Variants in STAG1 observed in about 807,000 individuals in gnomAD.
The protein encoded by STAG1 is cohesin subunit SA-1.
STAG1 carries 26 observed loss-of-function variants against 170.9 expected under a neutral mutation model. The observed-to-expected ratio is 0.15, with a 90% confidence interval of 0.11 to 0.21. STAG1 has a LOEUF of 0.21. STAG1 is among the 10% of genes least tolerant of loss of function. STAG1 has a pLI of 1.00. For synonymous variants in STAG1, 514 were observed against 497.7 expected (o/e 1.03, Z -0.44); for missense variants, 964 against 1,509.5 (o/e 0.64, Z 5.99).
chr3:136,447,296 A>C (rs1018809178), intron 14 of STAG1, among the ~76,000 whole-genome samples: 1 of 151,200 alleles, frequency 6.6e-6, no homozygotes, highest in Non-Finnish European at 1.5e-5. Context: ...ACATGGTGAA[A>C]CCGTCTCTAC....
In STAG1 at chr3:136,575,257, C is replaced by T. The variant is rs571765186; in HGVS notation, c.298-6396G>A. On this transcript the variant is annotated intron_variant, in intron 4 of 33. Coordinates refer to ENST00000383202, the MANE Select transcript of STAG1 (RefSeq NM_005862.3). ...CTTTTTTCTCTGAGACAGGGTCTCA[C>T]TCTTTCACCCAGGCTAGGGTCCAGT... Among the ~76,000 whole-genome samples, 12 of 152,224 alleles carry T rather than the reference C, an allele frequency of 7.9e-5. No individual in the cohort carries two copies. The South Asian group carries it at 1.9e-3, about 24-fold the overall frequency.
At chr3:136,453,451 C>G (rs1009317599) in intron 13 of STAG1, among the ~76,000 whole-genome samples, 1 of 151,802 alleles carries the variant, frequency 6.6e-6, no homozygotes, top group East Asian at 1.9e-4. Context: ...ATTAGCCGGG[C>G]GTGGTGGCGG....
At chr3:136,596,935 C>T (rs575376083) in intron 4 of STAG1, among the ~76,000 whole-genome samples, 2 of 152,062 alleles carry the variant, frequency 1.3e-5, no homozygotes, top group Admixed American at 6.6e-5. Flanking sequence ...TTTAGCCAGG[C>T]GTACTGGCGC....
chr3:136,751,743 A>G (rs573077143), intron 1 of STAG1, among the ~76,000 whole-genome samples: 1 of 151,628 alleles, frequency 6.6e-6, no homozygotes, highest in East Asian at 2.0e-4. Flanking sequence ...AGGCGGCGGA[A>G]GGCATTCGCG....
chr3:136,536,892 A>AT (rs1935661808), intron 6 of STAG1, among the ~76,000 whole-genome samples: 1 of 152,182 alleles, frequency 6.6e-6, no homozygotes, highest in Admixed American at 6.5e-5. Flanking sequence ...TATTGTGAGA[A>AT]TTAAGTATAT....
chr3:136,424,624 C>T (rs989647864), intron 16 of STAG1, among the ~76,000 whole-genome samples: 2 of 151,868 alleles, frequency 1.3e-5, no homozygotes, highest in Admixed American at 6.6e-5. Flanking sequence ...TGAGCCACTG[C>T]GCCCAGCCTG....
At chr3:136,503,671 T>G (rs1559845183) in intron 7 of STAG1, among the ~76,000 whole-genome samples, 2 of 152,190 alleles carry the variant, frequency 1.3e-5, no homozygotes, top group South Asian at 4.1e-4. Flanking sequence ...GAAGAACTGA[T>G]TCATTTATCT....
At chr3:136,699,620 A>G (rs1942991316) in intron 1 of STAG1, among the ~76,000 whole-genome samples, 1 of 151,658 alleles carries the variant, frequency 6.6e-6, no homozygotes, top group Non-Finnish European at 1.5e-5. Context: ...CATGTCTTTC[A>G]CAGCTACTTG....
intron 1 of STAG1, among the ~76,000 whole-genome samples, chr3:136,638,608 A>G (rs1046167034): frequency 6.6e-6 from 1 of 152,164 alleles, no homozygotes. Flanking sequence ...TCTTTTAAAA[A>G]ACAAAAAATC....
At chr3:136,588,519 T>C (rs912670534) in intron 4 of STAG1, among the ~76,000 whole-genome samples, 10 of 152,170 alleles carry the variant, frequency 6.6e-5, no homozygotes, top group Admixed American at 1.3e-4. Flanking sequence ...TTTGTATTTT[T>C]AGTAGAAACA....
chr3:136,636,847 A>G (rs1052329129), intron 1 of STAG1, among the ~76,000 whole-genome samples: 8 of 152,256 alleles, frequency 5.3e-5, no homozygotes, highest in African/African-American at 1.9e-4. Context: ...AGCCTATCCC[A>G]GCAGCTCAGG....
chr3:136,420,244 C>CAAAAAAA (rs71157379), intron 20 of STAG1, among the ~76,000 whole-genome samples: 1 of 36,952 alleles, frequency 2.7e-5, no homozygotes, highest in Non-Finnish European at 5.3e-5. Context: ...GAGACTCTGT[C>CAAAAAAA]AAAAAAAAAA....
chr3:136,709,830 T>C (rs1041553302), intron 1 of STAG1, among the ~76,000 whole-genome samples: 12 of 150,812 alleles, frequency 8.0e-5, no homozygotes, highest in Admixed American at 2.0e-4. Context: ...AAGTCAAGAG[T>C]TGGAGACCAG....
chr3:136,723,947 G>T (rs1182246377), intron 1 of STAG1, among the ~76,000 whole-genome samples: 1 of 149,828 alleles, frequency 6.7e-6, no homozygotes, highest in Non-Finnish European at 1.5e-5. Context: ...TCAGCCCCCC[G>T]CCAGGCCAGC....
chr3:136,354,847 A>G (rs2108275141), intron 28 of STAG1, among the ~76,000 whole-genome samples: 1 of 151,182 alleles, frequency 6.6e-6, no homozygotes. Flanking sequence ...GGTTGAATTT[A>G]AAAACACATG....
intron 1 of STAG1, among the ~76,000 whole-genome samples, chr3:136,700,975 G>A (rs143685085): frequency 3.0e-4 from 42 of 140,416 alleles, no homozygotes; most frequent in African/African-American, 9.9e-4. Context: ...TCGACCTCCC[G>A]GGTTCAAGTG....
At chr3:136,602,503 T>C (rs1028705588) in intron 4 of STAG1, among the ~76,000 whole-genome samples, 3 of 151,822 alleles carry the variant, frequency 2.0e-5, no homozygotes, top group East Asian at 1.9e-4. Context: ...TGGGAAGCAA[T>C]AGAAAAGGTC....
intron 12 of STAG1, among the ~76,000 whole-genome samples, chr3:136,466,130 G>A (rs1206876764): frequency 6.6e-6 from 1 of 152,192 alleles, no homozygotes; most frequent in African/African-American, 2.4e-5. Flanking sequence ...CTCCTCACCA[G>A]CAACAGAACA....
At chr3:136,402,365 G>A (rs952953881) in intron 21 of STAG1, among the ~76,000 whole-genome samples, 1 of 151,606 alleles carries the variant, frequency 6.6e-6, no homozygotes, top group East Asian at 2.0e-4. Context: ...CTACAGGTGC[G>A]TGCCACCACA....
Sources: gnomAD v4.1 joint callset for allele counts (sites outside exome capture counted in the v4.1 genomes callset) on GRCh38, gnomAD v4.1.1 for gene constraint, MANE v1.5 for transcripts, NCBI Gene and HGNC (gene_info 2026-07-23, HGNC 2026-07-21) for gene names.